The following DLGAP2 variants were observed in gnomAD, a reference collection of about 807,000 sequenced individuals.
The protein encoded by DLGAP2 is DLG associated protein 2.
DLGAP2 carries 26 observed loss-of-function variants against 100.3 expected under a neutral mutation model. The ratio of observed to expected loss-of-function variants is 0.26; its 90% CI spans 0.19 to 0.36. The LOEUF (loss-of-function observed/expected upper bound fraction) is 0.36. DLGAP2 is among the 10% of genes least tolerant of loss of function. The pLI is 1.00. For missense variants in DLGAP2, 1,858 were observed against 1,453.2 expected (o/e 1.28, Z -4.53); for synonymous variants, 886 against 630.1 (o/e 1.41, Z -6.08).
At chr8:1,559,906 C>T (rs1191757807) in intron 5 of DLGAP2, among the ~76,000 whole-genome samples, 1 of 152,222 alleles carries the variant, frequency 6.6e-6, no homozygotes, top group East Asian at 1.9e-4. Flanking sequence ...ACCCGGACCT[C>T]ACCCCAGGAC....
intron 3 of DLGAP2, among the ~76,000 whole-genome samples, chr8:1,319,212 C>T (rs1170751713): frequency 6.6e-6 from 1 of 152,170 alleles, no homozygotes; most frequent in African/African-American, 2.4e-5. Flanking sequence ...AGGGCGTCTG[C>T]TGCCACCCCA....
Position 1,567,340 on chromosome 8 carries a change from C to T in DLGAP2, c.1442+1446C>T, listed in dbSNP as rs144989543. 4.0e-4 allele frequency among the ~76,000 whole-genome samples: 61 copies of T among 152,290 alleles called. No individual in the cohort carries two copies. In the South Asian group the frequency reaches 4.6e-3, roughly 11 times the overall value. Reference sequence around the variant, plus strand: ...GCACACACATGCAGAAGCTATGCTTCGTGGGTCCAGGGCTCCAAGGCCAGC... The same window carrying T: ...GCACACACATGCAGAAGCTATGCTTTGTGGGTCCAGGGCTCCAAGGCCAGC... On this transcript the variant is annotated intron_variant, in intron 6 of 14. Coordinates refer to ENST00000637795, the MANE Select transcript of DLGAP2 (RefSeq NM_001346810.2).
chr8:1,444,720 C>G (rs1324900980), intron 3 of DLGAP2, among the ~76,000 whole-genome samples: 1 of 151,200 alleles, frequency 6.6e-6, no homozygotes, highest in African/African-American at 2.4e-5. Flanking sequence ...CTGCTTACTC[C>G]TGTAGTAGGC....
At chr8:896,556 T>C (rs996089839) in intron 1 of DLGAP2, among the ~76,000 whole-genome samples, 10 of 152,006 alleles carry the variant, frequency 6.6e-5, no homozygotes, top group Non-Finnish European at 1.3e-4. Context: ...CCCAGTGGGA[T>C]GGTGCTTGGA....
rs539210471 is a variant in DLGAP2, at chr8:1,232,147, T to G, written c.74-26704T>G. On this transcript the variant is annotated intron_variant, in intron 2 of 14. Coordinates refer to ENST00000637795, the MANE Select transcript of DLGAP2 (RefSeq NM_001346810.2). ...GGAGCTCTCATCCAGCACTGTCCCC[T>G]TCACGACTGGGTGGTGCTGAGCCTT... 7.9e-5 allele frequency among the ~76,000 whole-genome samples: 12 copies of G among 152,340 alleles called. No individual in the cohort carries two copies. In the South Asian group the frequency reaches 2.1e-3, roughly 26 times the overall value.
At chr8:1,696,026 G>A (rs1799390080) in intron 13 of DLGAP2, among the ~76,000 whole-genome samples, 1 of 152,204 alleles carries the variant, frequency 6.6e-6, no homozygotes, top group Non-Finnish European at 1.5e-5. Flanking sequence ...CCCAGGTCCT[G>A]GCTCTGGGTG....
At chr8:919,540 T>A (rs1201777885) in intron 2 of DLGAP2, among the ~76,000 whole-genome samples, 1 of 152,186 alleles carries the variant, frequency 6.6e-6, no homozygotes, top group Non-Finnish European at 1.5e-5. Context: ...TCCACCCAGT[T>A]AACATCAGGT....
chr8:1,407,980 C>T (rs1400392445), intron 3 of DLGAP2, among the ~76,000 whole-genome samples: 2 of 152,208 alleles, frequency 1.3e-5, no homozygotes, highest in East Asian at 3.9e-4. Flanking sequence ...GGCTGTCCTG[C>T]ACAGCACAGC....
intron 4 of DLGAP2, among the ~76,000 whole-genome samples, chr8:1,520,201 C>T (rs1246006463): frequency 6.6e-6 from 1 of 152,182 alleles, no homozygotes; most frequent in East Asian, 1.9e-4. Flanking sequence ...GGGGTGTCCA[C>T]AATGGCTGAG....
At chr8:1,424,253 AG>A (rs1188319648) in intron 3 of DLGAP2, among the ~76,000 whole-genome samples, 1 of 152,204 alleles carries the variant, frequency 6.6e-6, no homozygotes, top group Admixed American at 6.5e-5. Context: ...TCACAGCAAA[AG>A]GGGGTCCCTT....
At chr8:1,185,705 ACACT>A (rs199544964) in intron 2 of DLGAP2, among the ~76,000 whole-genome samples, 5 of 101,388 alleles carry the variant, frequency 4.9e-5, no homozygotes, top group East Asian at 2.9e-4. Flanking sequence ...ACACACACTC[ACACT>A]CACACACACA....
At chr8:1,598,169 C>T (rs1796517851) in intron 6 of DLGAP2, among the ~76,000 whole-genome samples, 1 of 152,130 alleles carries the variant, frequency 6.6e-6, no homozygotes, top group South Asian at 2.1e-4. Context: ...ATTATGTTTA[C>T]TGATTTGCAT....
chr8:817,979 A>G (rs1036421046), intron 1 of DLGAP2, among the ~76,000 whole-genome samples: 5 of 152,186 alleles, frequency 3.3e-5, no homozygotes, highest in Admixed American at 6.5e-5. Context: ...CTGTGGTCCC[A>G]TAGGGAGGAA....
chr8:1,616,209 AG>A (rs1797148456), intron 6 of DLGAP2, among the ~76,000 whole-genome samples: 1 of 152,168 alleles, frequency 6.6e-6, no homozygotes, highest in Admixed American at 6.5e-5. Context: ...AATATGAAAA[AG>A]TAGAGGTAAG....
In DLGAP2 at chr8:1,350,230, G is replaced by A. The variant is rs79846073; in HGVS notation, c.106+91347G>A. Among the ~76,000 whole-genome samples the A allele has an allele frequency of 8.2e-3, 1,009 of 123,218 alleles. 5 individuals are homozygous for A. The highest frequency in any genetic ancestry group is 0.011 in the African/African-American group (365 of 32,328). 80.8% of individuals were successfully genotyped at this position (123,218 alleles called of 152,430 possible). A position where few individuals can be genotyped will look rare whatever the true frequency, so the allele number is the denominator to read the frequency against. ...TGGAAAGGCCGTGCGGGTCCTGAGT[G>A]TGCGTGGAAAGGCCGTGCGGGTCCT... On this transcript the variant is annotated intron_variant, in intron 3 of 14. Coordinates refer to ENST00000637795, the MANE Select transcript of DLGAP2 (RefSeq NM_001346810.2).
chr8:1,483,405 T>C (rs1288883545), intron 3 of DLGAP2, among the ~76,000 whole-genome samples: 1 of 152,126 alleles, frequency 6.6e-6, no homozygotes, highest in Non-Finnish European at 1.5e-5. Flanking sequence ...ACACCTGCTG[T>C]TGGCTTGACG....
intron 2 of DLGAP2, among the ~76,000 whole-genome samples, chr8:1,162,202 C>T (rs978902482): frequency 3.3e-5 from 5 of 152,174 alleles, no homozygotes; most frequent in South Asian, 2.1e-4. Context: ...AGGGAGGCGG[C>T]GATTCATCCA....
chr8:1,051,835 C>T (rs966484386), intron 2 of DLGAP2, among the ~76,000 whole-genome samples: 3 of 152,180 alleles, frequency 2.0e-5, no homozygotes, highest in African/African-American at 7.2e-5. Flanking sequence ...AGCTCTACTC[C>T]TCTCTAAGTG....
At chr8:1,003,759 A>G (rs558119692) in intron 2 of DLGAP2, among the ~76,000 whole-genome samples, 2 of 152,268 alleles carry the variant, frequency 1.3e-5, no homozygotes, top group South Asian at 4.2e-4. Flanking sequence ...ATTCTCTCTC[A>G]TGAGACCTGT....
Sources: gnomAD v4.1 joint callset for allele counts (sites outside exome capture counted in the v4.1 genomes callset) on GRCh38, gnomAD v4.1.1 for gene constraint, MANE v1.5 for transcripts, NCBI Gene and HGNC (gene_info 2026-07-23, HGNC 2026-07-21) for gene names.